Variants in GRID2 observed in about 807,000 individuals in gnomAD.
The protein encoded by GRID2 is glutamate ionotropic receptor delta type subunit 2.
GRID2 carries 33 observed loss-of-function variants against 114.8 expected under a neutral mutation model. The ratio of observed to expected loss-of-function variants is 0.29; its 90% CI spans 0.22 to 0.38. GRID2 has a LOEUF of 0.38. GRID2 is among the 10% of genes least tolerant of loss of function. The pLI, the probability that GRID2 is intolerant of heterozygous loss-of-function variation, is 1.00. For missense variants in GRID2, 1,184 were observed against 1,257.7 expected (o/e 0.94, Z 0.89); for synonymous variants, 505 against 449.9 (o/e 1.12, Z -1.55).
chr4:93,638,180 G>T (rs1454752642), intron 14 of GRID2, among the ~76,000 whole-genome samples: 1 of 151,676 alleles, frequency 6.6e-6, no homozygotes, highest in African/African-American at 2.4e-5. Context: ...AATCCATTCT[G>T]CTTCTGTCAT....
intron 8 of GRID2, among the ~76,000 whole-genome samples, chr4:93,358,221 T>C (rs1761532611): frequency 6.6e-6 from 1 of 151,874 alleles, no homozygotes; most frequent in Admixed American, 6.6e-5. Context: ...GTTCCTATAT[T>C]AAATGTTTTG....
chr4:92,618,209 T>C (rs1448424072), intron 2 of GRID2, among the ~76,000 whole-genome samples: 1 of 151,806 alleles, frequency 6.6e-6, no homozygotes, highest in East Asian at 1.9e-4. Flanking sequence ...GAGGATCTAG[T>C]TTTATTTTTC....
chr4:92,467,978 T>C (rs1456320837), intron 1 of GRID2, among the ~76,000 whole-genome samples: 1 of 151,880 alleles, frequency 6.6e-6, no homozygotes, highest in East Asian at 1.9e-4. Flanking sequence ...TATGACTACA[T>C]GAAAACTTGG....
chr4:93,190,550 TA>T (rs1405553632), intron 4 of GRID2, among the ~76,000 whole-genome samples: 1 of 152,174 alleles, frequency 6.6e-6, no homozygotes, highest in Non-Finnish European at 1.5e-5. Context: ...CTCTCAACCC[TA>T]AAAATGTCCT....
chr4:93,097,349 AG>A (rs554606111), intron 3 of GRID2, among the ~76,000 whole-genome samples: 33 of 151,878 alleles, frequency 2.2e-4, no homozygotes, highest in Admixed American at 4.6e-4. Flanking sequence ...GAAAGGAAAA[AG>A]GAAAAAAAAA....
chr4:93,233,332 A>AT lies in GRID2; in HGVS notation c.1126-5037dup, dbSNP rs34831284. Among the ~76,000 whole-genome samples the AT allele has an allele frequency of 5.4e-4, 52 of 95,622 alleles. No homozygotes were observed. In the South Asian group the frequency reaches 9.7e-3, roughly 18 times the overall value. The allele number at this position is 95,622 out of a possible 152,430, so 62.7% of individuals were successfully genotyped here. On this transcript the variant is annotated intron_variant, in intron 7 of 15. Coordinates refer to ENST00000282020, the MANE Select transcript of GRID2 (RefSeq NM_001510.4). ...CTGAAGGATTATTATTATTATTATTATTATTTTTTTTTTTATTTTTTATTT... is the reference window on the plus strand; with the variant it reads ...CTGAAGGATTATTATTATTATTATTATTTATTTTTTTTTTTATTTTTTATTT...
chr4:93,400,332 G>A (rs1001483229), intron 9 of GRID2, among the ~76,000 whole-genome samples: 3 of 152,082 alleles, frequency 2.0e-5, no homozygotes, highest in African/African-American at 7.2e-5. Context: ...GGAAAAGAAA[G>A]AATGATAATA....
intron 1 of GRID2, among the ~76,000 whole-genome samples, chr4:92,403,313 G>A (rs1730875261): frequency 6.6e-6 from 1 of 152,074 alleles, no homozygotes; most frequent in Non-Finnish European, 1.5e-5. Flanking sequence ...CACAACTCAG[G>A]TGTTTGGTGC....
chr4:93,406,416 G>C (rs1766424193), intron 9 of GRID2, among the ~76,000 whole-genome samples: 1 of 152,162 alleles, frequency 6.6e-6, no homozygotes, highest in African/African-American at 2.4e-5. Context: ...AGCTGATGTG[G>C]TTGGCGCATA....
intron 2 of GRID2, among the ~76,000 whole-genome samples, chr4:92,711,911 T>G (rs1735272619): frequency 6.6e-6 from 1 of 152,014 alleles, no homozygotes; most frequent in Non-Finnish European, 1.5e-5. Context: ...TTTGAAAAAA[T>G]AAAAATGAAA....
chr4:93,451,381 A>ATTT (rs1722666337), intron 10 of GRID2, among the ~76,000 whole-genome samples: 1 of 152,122 alleles, frequency 6.6e-6, no homozygotes, highest in Admixed American at 6.6e-5. Context: ...ATATAGATAT[A>ATTT]AATGAGTGTT....
intron 8 of GRID2, among the ~76,000 whole-genome samples, chr4:93,276,436 G>T (rs554188676): frequency 3.9e-4 from 59 of 152,036 alleles, no homozygotes; most frequent in African/African-American, 1.3e-3. Context: ...TGAGTCTCTT[G>T]CATTTCCATG....
At chr4:93,482,890 C>T (rs940378138) in intron 11 of GRID2, among the ~76,000 whole-genome samples, 1 of 151,786 alleles carries the variant, frequency 6.6e-6, no homozygotes, top group Non-Finnish European at 1.5e-5. Flanking sequence ...AACCCATTAT[C>T]CTGTGGACAA....
At chr4:92,944,843 G>C (rs1271987674) in intron 2 of GRID2, among the ~76,000 whole-genome samples, 1 of 152,046 alleles carries the variant, frequency 6.6e-6, no homozygotes, top group Non-Finnish European at 1.5e-5. Flanking sequence ...ACCCTTTGGA[G>C]TTTACTGTCC....
chr4:93,404,028 A>G (rs1019762122), intron 9 of GRID2, among the ~76,000 whole-genome samples: 1 of 152,178 alleles, frequency 6.6e-6, no homozygotes, highest in African/African-American at 2.4e-5. Flanking sequence ...CATAAAATGG[A>G]ATATTATTTG....
rs1325411587 is a variant in GRID2, at chr4:92,367,787, CTGTT to C, written c.88+63046_88+63049del. Among the ~76,000 whole-genome samples, 4 of 152,192 alleles carry C rather than the reference CTGTT, an allele frequency of 2.6e-5. No homozygotes were observed. In the East Asian group the frequency reaches 7.7e-4, roughly 29 times the overall value. On this transcript the variant is annotated intron_variant, in intron 1 of 15. Transcript: ENST00000282020. ...CCAGAAGGGGGCAGGTGAAAAATCT[CTGTT>C]TGATCTGTGTTAACTACTAGCATCA...
intron 1 of GRID2, among the ~76,000 whole-genome samples, chr4:92,318,580 T>A (rs1388468823): frequency 7.3e-6 from 1 of 136,470 alleles, no homozygotes; most frequent in African/African-American, 2.7e-5. Context: ...AGTGGCACGC[T>A]CATGGCTTAC....
chr4:93,038,795 G>GA (rs927197145), intron 2 of GRID2, among the ~76,000 whole-genome samples: 43 of 143,274 alleles, frequency 3.0e-4, no homozygotes, highest in African/African-American at 8.9e-4. Flanking sequence ...TGTCTCAAAA[G>GA]AAAAAAAAAA....
rs77323147 is a variant in GRID2 at position 92,665,676 on chromosome 4, G to C, written c.244+75390G>C. On this transcript the variant is annotated intron_variant, in intron 2 of 15. Coordinates refer to ENST00000282020, the MANE Select transcript of GRID2 (RefSeq NM_001510.4). ...TTTTATTTTTCTCTAACTTTTGAAAGATAATTTTACCACATATAGGATTCT... is the reference window on the plus strand; with the variant it reads ...TTTTATTTTTCTCTAACTTTTGAAACATAATTTTACCACATATAGGATTCT... Among the ~76,000 whole-genome samples the C allele has an allele frequency of 6.5e-3, 973 of 150,210 alleles. 4 individuals carry two copies. Among genetic ancestry groups the C allele is most frequent in the Non-Finnish European group, 0.011 (735 of 67,206 alleles).
Sources: gnomAD v4.1 joint callset for allele counts (sites outside exome capture counted in the v4.1 genomes callset) on GRCh38, gnomAD v4.1.1 for gene constraint, MANE v1.5 for transcripts, NCBI Gene and HGNC (gene_info 2026-07-23, HGNC 2026-07-21) for gene names.